The following ACTL8 variants were observed in gnomAD, a reference collection of about 807,000 sequenced individuals.
ACTL8 encodes actin-like protein 8.
ACTL8 carries 3 observed loss-of-function variants against 9.3 expected under a neutral mutation model. The observed-to-expected ratio is 0.32, with a 90% CI of 0.15 to 0.83. The LOEUF (loss-of-function observed/expected upper bound fraction) is 0.83. ACTL8 is among the 40% of genes least tolerant of loss of function. ACTL8 has a pLI of 0.57. For synonymous variants in ACTL8, 224 were observed against 205.9 expected, an observed-to-expected ratio of 1.09 and a Z score of -0.75; for missense variants, 381 against 492.2, an observed-to-expected ratio of 0.77 and a Z score of 2.14.
chr1:17,826,800 C>G lies in ACTL8; in HGVS notation c.*281C>G, dbSNP rs1457638814. The G allele has an allele frequency of 3.6e-5, 10 of 280,402 alleles. No homozygotes were observed. The highest frequency in any genetic ancestry group is 5.3e-5 in the Non-Finnish European group (8 of 150,216). 17.4% of individuals were successfully genotyped at this position (280,402 alleles called of 1,614,324 possible). On this transcript the variant is annotated 3_prime_UTR_variant, in exon 3 of 3. Coordinates refer to ENST00000375406, the MANE Select transcript of ACTL8 (RefSeq NM_030812.3). This position sits in a 1 kb window ranked among gnomAD's most constrained non-coding sequence, Gnocchi z 4.5. Reference sequence around the variant, plus strand: ...GGGTATGAGTGGCTGACTGCCATCTCCATGCCTGAGAGCCACTGATTTTTC... The same window carrying G: ...GGGTATGAGTGGCTGACTGCCATCTGCATGCCTGAGAGCCACTGATTTTTC...
chr1:17,820,626 G>A (rs2053649166), intron 1 of ACTL8, among the ~76,000 whole-genome samples: 1 of 150,458 alleles, frequency 6.6e-6, no homozygotes, highest in Non-Finnish European at 1.5e-5. Flanking sequence ...GGAGTACAAT[G>A]GTGCGATCTT....
chr1:17,823,236 G>C lies in ACTL8; in HGVS notation c.228G>C (p.Glu76Asp), dbSNP rs957968866. Residue 76 changes from glutamate (E) to aspartate (D), a missense_variant, in exon 2 of 3, where the codon GAG (glutamate) becomes GAC (aspartate). Physicochemically the swap from Glu to Asp is conservative, Grantham distance 45. Coordinates refer to ENST00000375406, the MANE Select transcript of ACTL8 (RefSeq NM_030812.3). The surrounding 1 kb of genome is among the most constrained non-coding windows in gnomAD (Gnocchi z 5.3). The part of the protein sequence containing the change: ...PIERGRILNW[E>D]GVQYLWSFVL... The stretch of plus-strand genomic sequence containing the variant: ...AGCGGGGCCGCATCCTCAACTGGGA[G>C]GGTGTGCAGTACCTCTGGTCATTTG... 4 of 1,614,196 alleles carry C rather than the reference G, an allele frequency of 2.5e-6. No individual in the cohort carries two copies. Among genetic ancestry groups the C allele is most frequent in the Middle Eastern group, 1.6e-4 (1 of 6,062 alleles).
At chr1:17,794,621 T>G (rs569071855) in intron 1 of ACTL8, among the ~76,000 whole-genome samples, 35 of 141,032 alleles carry the variant, frequency 2.5e-4, no homozygotes, top group African/African-American at 9.0e-4. Context: ...TCTCATCTTA[T>G]TTTTTTACTA....
rs566576349 is a variant in ACTL8 at position 17,798,406 on chromosome 1, G to A, written c.-24-24579G>A. Among the ~76,000 whole-genome samples the A allele has an allele frequency of 8.9e-4, 136 of 152,254 alleles. 1 individual carries two copies. Among genetic ancestry groups the A allele is most frequent in the African/African-American group, 3.2e-3 (132 of 41,556 alleles). ...TGCTGCTGGGAGGGAGGACCCAGAC[G>A]GGAGTAAGAGTAGGTGATGGCAGAG... On this transcript the variant is annotated intron_variant, in intron 1 of 2. Transcript: ENST00000375406.
Position 17,823,200 on chromosome 1 carries a change from CT to C in ACTL8, c.193del (p.Tyr65ThrfsTer34). On this transcript the variant is annotated frameshift_variant, in exon 2 of 3. Transcript: ENST00000375406. LOFTEE classifies it high-confidence loss of function. The surrounding 1 kb of genome is among the most constrained non-coding windows in gnomAD (Gnocchi z 5.3). Reference protein sequence around the residue: ...IDICHPDTFSYPIERGRILNW... With the variant: ...IDICHPDTFSXPIERGRILNW... ...ACATTTGCCATCCTGACACCTTTAG[CT>C]ACCCCATCGAGCGGGGCCGCATCCT... is the stretch of plus-strand genomic sequence containing the variant. 6.2e-7 allele frequency: 1 copy of C among 1,614,214 alleles called. No individual in the cohort carries two copies. Among genetic ancestry groups the C allele is most frequent in the Non-Finnish European group, 8.5e-7 (1 of 1,180,044 alleles).
Position 17,826,463 on chromosome 1 carries a change from A to C in ACTL8, c.1045A>C (p.Thr349Pro). The change falls in exon 3 of 3, where the codon ACC becomes CCC. Residue 349 changes from threonine (T) to proline (P), a missense_variant. By Grantham distance (38) the Thr-to-Pro change is conservative. This residue lies in a region of ACTL8 where 243 missense variants were observed against 276.2 expected (regional missense o/e 0.88). Transcript: ENST00000375406. This position sits in a 1 kb window ranked among gnomAD's most constrained non-coding sequence, Gnocchi z 4.5. ...AGCGTCCGTGGTGGCTCACCTTTCT[A>C]CCTACCAGTCTGAGTGGATGTCCCG... ...LGASVVAHLSTYQSEWMSREE... is the reference protein window; with the variant it reads ...LGASVVAHLSPYQSEWMSREE... 1 of 1,610,998 alleles carries C rather than the reference A, an allele frequency of 6.2e-7. No homozygotes were observed. The highest frequency in any genetic ancestry group is 8.5e-7 in the Non-Finnish European group (1 of 1,178,222).
At chr1:17,765,474 T>A (rs949587573) in intron 1 of ACTL8, among the ~76,000 whole-genome samples, 4 of 152,094 alleles carry the variant, frequency 2.6e-5, no homozygotes, top group African/African-American at 9.7e-5. Context: ...ATGGAGTTGG[T>A]GTGATAACAT....
intron 1 of ACTL8, among the ~76,000 whole-genome samples, chr1:17,786,093 C>T (rs1462029620): frequency 3.3e-5 from 5 of 152,186 alleles, no homozygotes; most frequent in Non-Finnish European, 7.3e-5. Context: ...AAGAGGCTCC[C>T]GCAGGCCTCT....
intron 1 of ACTL8, among the ~76,000 whole-genome samples, chr1:17,766,042 T>C (rs2066042035): frequency 6.6e-6 from 1 of 152,204 alleles, no homozygotes; most frequent in African/African-American, 2.4e-5. Flanking sequence ...TGGATGATAT[T>C]GTGACCAAAA....
intron 1 of ACTL8, among the ~76,000 whole-genome samples, chr1:17,809,776 AT>A (rs1257558565): frequency 1.3e-5 from 2 of 152,130 alleles, no homozygotes; most frequent in Non-Finnish European, 1.5e-5. Flanking sequence ...CCTCCCACTG[AT>A]TCTACATGAT....
rs1488406470 is a variant in ACTL8 at position 17,826,263 on chromosome 1, C to G, written c.845C>G (p.Ser282Cys). 1.2e-6 allele frequency: 2 copies of G among 1,612,216 alleles called. No homozygotes were observed. The highest frequency in any genetic ancestry group is 2.2e-5 in the East Asian group (1 of 44,830). Residue 282 changes from serine (S) to cysteine (C), a missense_variant, in exon 3 of 3, where the codon TCC becomes TGC. Coordinates refer to ENST00000375406, the MANE Select transcript of ACTL8 (RefSeq NM_030812.3). The surrounding 1 kb of genome is among the most constrained non-coding windows in gnomAD (Gnocchi z 4.5). ...IPRAIVESVE[S>C]CEISLRPLLV... ...CGGGCCATTGTGGAATCCGTGGAGTCCTGCGAGATCTCCCTGCGCCCCCTG... is the reference window on the plus strand; with the variant it reads ...CGGGCCATTGTGGAATCCGTGGAGTGCTGCGAGATCTCCCTGCGCCCCCTG...
At chr1:17,789,456 T>C (rs1399173860) in intron 1 of ACTL8, among the ~76,000 whole-genome samples, 1 of 152,160 alleles carries the variant, frequency 6.6e-6, no homozygotes, top group Non-Finnish European at 1.5e-5. Context: ...TGATTTTGCC[T>C]ATTTACCTTT....
At chr1:17,810,030 C>T (rs1328899242) in intron 1 of ACTL8, among the ~76,000 whole-genome samples, 1 of 152,100 alleles carries the variant, frequency 6.6e-6, no homozygotes, top group Non-Finnish European at 1.5e-5. Flanking sequence ...GGATTATTCC[C>T]ATCAGCATAA....
chr1:17,821,967 A>G (rs532967765), intron 1 of ACTL8, among the ~76,000 whole-genome samples: 4 of 152,162 alleles, frequency 2.6e-5, no homozygotes, highest in African/African-American at 9.7e-5. Context: ...TGTCTTGGCT[A>G]CTGTAGCTTT....
chr1:17,820,568 CTTTT>C (rs36094618), intron 1 of ACTL8, among the ~76,000 whole-genome samples: 1 of 139,526 alleles, frequency 7.2e-6, no homozygotes, highest in African/African-American at 2.7e-5. Flanking sequence ...GTATGTTGAA[CTTTT>C]TTTTTTTTTT....
At chr1:17,797,945 G>A (rs72931108) in intron 1 of ACTL8, among the ~76,000 whole-genome samples, 9,596 of 152,200 alleles carry the variant, frequency 0.063, 734 homozygotes, top group East Asian at 0.21. Flanking sequence ...GGAGGTGGGA[G>A]CAGGATCATT....
At chr1:17,791,939 C>G (rs1001839568) in intron 1 of ACTL8, among the ~76,000 whole-genome samples, 1 of 152,240 alleles carries the variant, frequency 6.6e-6, no homozygotes, top group Non-Finnish European at 1.5e-5. Context: ...TTCCTGCCAC[C>G]ATCTCTTTGC....
chr1:17,812,427 C>CTTTT (rs141182523), intron 1 of ACTL8, among the ~76,000 whole-genome samples: 8 of 122,418 alleles, frequency 6.5e-5, no homozygotes, highest in African/African-American at 1.2e-4. Context: ...ATTTTTTTTC[C>CTTTT]TTTTTTTTTT....
chr1:17,769,383 CAG>C (rs2066068891), intron 1 of ACTL8, among the ~76,000 whole-genome samples: 1 of 152,194 alleles, frequency 6.6e-6, no homozygotes, highest in Admixed American at 6.5e-5. Context: ...CTAGCAAAAT[CAG>C]AGTCAGCAGA....
Sources: gnomAD v4.1 joint callset for allele counts (sites outside exome capture counted in the v4.1 genomes callset) on GRCh38, gnomAD v4.1.1 for gene constraint, gnomAD v4.1.1 regional missense constraint, Gnocchi (gnomAD v3.1) non-coding constraint, MANE v1.5 for transcripts, NCBI Gene and HGNC (gene_info 2026-07-23, HGNC 2026-07-21) for gene names.